The following ADAM2 variants were observed in gnomAD, a reference collection of about 807,000 sequenced individuals.
The protein encoded by ADAM2 is disintegrin and metalloproteinase domain-containing protein 2.
In ADAM2, 101 loss-of-function variants were observed where a neutral mutation model predicts 99.3. The observed-to-expected ratio is 1.02, with a 90% CI of 0.87 to 1.20. The LOEUF (loss-of-function observed/expected upper bound fraction) is 1.20. Among genes scored for constraint, ADAM2 ranks in the 50% most tolerant of loss-of-function variants. The pLI is 0.00. For synonymous variants in ADAM2, 323 were observed against 287.6 expected (o/e 1.12, Z -1.25); for missense variants, 948 against 878.7 (o/e 1.08, Z -1.00).
At chr8:39,754,355 G>T (rs1346566283) in intron 16 of ADAM2, among the ~76,000 whole-genome samples, 1 of 152,040 alleles carries the variant, frequency 6.6e-6, no homozygotes, top group African/African-American at 2.4e-5. Flanking sequence ...AACTGCTCTG[G>T]ATGGACAACC....
intron 13 of ADAM2, 47 bp downstream of exon 13, chr8:39,767,106 A>G (rs1320228139): frequency 1.3e-6 from 2 of 1,597,196 alleles, no homozygotes; most frequent in East Asian, 2.2e-5. Context: ...CATAATAATG[A>G]TAACTACTTA....
intron 6 of ADAM2, among the ~76,000 whole-genome samples, chr8:39,815,709 C>T (rs998457694): frequency 6.6e-6 from 1 of 151,960 alleles, no homozygotes. Flanking sequence ...CTTTTAAATA[C>T]AGCAGAAAGA....
rs1377040645 is a variant in ADAM2 at position 39,788,656 on chromosome 8, A to T, written c.642+13T>A. On this transcript the variant is annotated intron_variant, in intron 8 of 20. Transcript: ENST00000265708. Reference sequence around the variant, plus strand: ...CACAAGAAGTGCAAAAGTACTAAGAAGCAAAGACTTACAGCATTCGTCAAT... The same window carrying T: ...CACAAGAAGTGCAAAAGTACTAAGATGCAAAGACTTACAGCATTCGTCAAT... 1 of 1,556,294 alleles carries T rather than the reference A, an allele frequency of 6.4e-7. No homozygotes were observed. Among genetic ancestry groups the T allele is most frequent in the Admixed American group, 1.8e-5 (1 of 54,658 alleles).
chr8:39,830,755 T>A (rs1805581675), intron 3 of ADAM2, among the ~76,000 whole-genome samples: 1 of 152,166 alleles, frequency 6.6e-6, no homozygotes, highest in African/African-American at 2.4e-5. Context: ...AAATTTCCTC[T>A]GCAAGTTGCT....
At chr8:39,825,628 A>G (rs1805367494) in intron 3 of ADAM2, among the ~76,000 whole-genome samples, 1 of 152,084 alleles carries the variant, frequency 6.6e-6, no homozygotes, top group African/African-American at 2.4e-5. Flanking sequence ...CAAAAGAAAA[A>G]AAAAGACTAA....
intron 2 of ADAM2, among the ~76,000 whole-genome samples, chr8:39,834,832 C>T (rs1332128988): frequency 1.3e-5 from 2 of 150,668 alleles, no homozygotes; most frequent in East Asian, 2.0e-4. Flanking sequence ...TATTCAGGTA[C>T]CTTCCTTCTA....
chr8:39,803,548 T>C (rs1303668705), intron 7 of ADAM2, among the ~76,000 whole-genome samples: 1 of 152,236 alleles, frequency 6.6e-6, no homozygotes, highest in East Asian at 1.9e-4. Context: ...TTGATAAAGC[T>C]GCCTTAAAAA....
At chr8:39,751,542 T>A (rs1199409822) in intron 16 of ADAM2, among the ~76,000 whole-genome samples, 5 of 152,130 alleles carry the variant, frequency 3.3e-5, no homozygotes, top group Admixed American at 6.5e-5. Context: ...TGTGGCAGAG[T>A]GCTTAACTTC....
chr8:39,809,111 G>A (rs529138054), intron 7 of ADAM2, among the ~76,000 whole-genome samples: 258 of 152,092 alleles, frequency 1.7e-3, no homozygotes, highest in African/African-American at 5.9e-3. Flanking sequence ...AAAATGTCAA[G>A]CATTATTTTT....
chr8:39,794,873 T>C (rs796201183), intron 7 of ADAM2, among the ~76,000 whole-genome samples: 1 of 152,122 alleles, frequency 6.6e-6, no homozygotes, highest in East Asian at 1.9e-4. Context: ...TGAGGGGTTT[T>C]GTCTGCGGCT....
chr8:39,752,691 G>A (rs1801992808), intron 16 of ADAM2, among the ~76,000 whole-genome samples: 1 of 152,166 alleles, frequency 6.6e-6, no homozygotes, highest in Admixed American at 6.5e-5. Flanking sequence ...ACAGTGTCAT[G>A]GGAGAGACCT....
At chr8:39,771,359 A>G (rs1802773654) in intron 11 of ADAM2, among the ~76,000 whole-genome samples, 1 of 152,196 alleles carries the variant, frequency 6.6e-6, no homozygotes, top group African/African-American at 2.4e-5. Context: ...TTTACCAACA[A>G]CTGGAATGTT....
In ADAM2 at chr8:39,781,190, T is replaced by C. The variant is rs146729705; in HGVS notation, c.892-4029A>G. 5.2e-3 allele frequency among the ~76,000 whole-genome samples: 798 copies of C among 152,310 alleles called. 4 individuals are homozygous for C. The highest frequency in any genetic ancestry group is 0.018 in the African/African-American group (754 of 41,564). ...GTTTATGTGTAGTTATGTACCCATA[T>C]GTACACATTCATGTAGGTATAATTT... On this transcript the variant is annotated intron_variant, in intron 10 of 20. Transcript: ENST00000265708.
At chr8:39,780,514 G>T (rs916234894) in intron 10 of ADAM2, among the ~76,000 whole-genome samples, 4 of 152,110 alleles carry the variant, frequency 2.6e-5, no homozygotes, top group African/African-American at 7.2e-5. Flanking sequence ...ACAAAAATCT[G>T]CACATTAACC....
At chr8:39,775,484 G>A (rs959157763) in intron 11 of ADAM2, among the ~76,000 whole-genome samples, 2 of 152,032 alleles carry the variant, frequency 1.3e-5, no homozygotes, top group Non-Finnish European at 2.9e-5. Context: ...ATACAAGGTG[G>A]AAAACCCGAT....
intron 16 of ADAM2, among the ~76,000 whole-genome samples, chr8:39,754,244 A>C (rs1374624435): frequency 6.6e-6 from 1 of 152,200 alleles, no homozygotes. Context: ...CCAGAGTTCC[A>C]ATCAACCCTT....
Position 39,777,084 on chromosome 8 carries a change from A to G in ADAM2, c.969T>C (p.Tyr323=), listed in dbSNP as rs780450321. The G allele has an allele frequency of 1.0e-5, 16 of 1,601,484 alleles. No homozygotes were observed. Among genetic ancestry groups the G allele is most frequent in the Admixed American group, 3.3e-5 (2 of 59,802 alleles). Residue 323 remains tyrosine (Y), a synonymous_variant, in exon 11 of 21, where the codon TAT becomes TAC. Coordinates refer to ENST00000265708, the MANE Select transcript of ADAM2 (RefSeq NM_001464.5). ...QLLSLSMGIT[Y]DDINKCQCSG... The stretch of plus-strand genomic sequence containing the variant: ...AGCACTGGCATTTGTTAATGTCATC[A>G]TAAGTGATCCCCATACTAAGGCTCA...
Position 39,755,881 on chromosome 8 carries a change from T to C in ADAM2, c.1644A>G (p.Lys548=). The C allele has an allele frequency of 1.3e-6, 2 of 1,570,932 alleles. No individual in the cohort carries two copies. The highest frequency in any genetic ancestry group is 8.7e-7 in the Non-Finnish European group (1 of 1,144,798). ...DNLQCGKLIC[K]YVGKFLLQIP... ...TTTGTAATAAAAATTTACCTACATA[T>C]TTACATATTAATTTTCCGCACTGCA... The change falls in exon 16 of 21, where the codon AAA becomes AAG. Residue 548 remains lysine, a synonymous_variant. Transcript: ENST00000265708.
rs1804598989 is a variant in ADAM2, at chr8:39,809,430, C to T, written c.550G>A (p.Val184Ile). 7.2e-7 allele frequency: 1 copy of T among 1,393,450 alleles called. No homozygotes were observed. Among genetic ancestry groups the T allele is most frequent in the Non-Finnish European group, 1.0e-6 (1 of 994,660 alleles). The allele number at this position is 1,393,450 out of a possible 1,614,324, so 86.3% of individuals were successfully genotyped here. ...QDFAKYIEMH[V>I]IVEKQLYNHM... ...CTTACCAATTGTTTTTCAACTATAA[C>T]ATGCATTTCTATATACTTTGCAAAA... The change falls in exon 7 of 21, where the codon GTT (valine) becomes ATT (isoleucine). Residue 184 changes from valine to isoleucine, a missense_variant. By Grantham distance (29) the Val-to-Ile change is conservative. Transcript: ENST00000265708.
Sources: gnomAD v4.1 joint callset for allele counts (sites outside exome capture counted in the v4.1 genomes callset) on GRCh38, gnomAD v4.1.1 for gene constraint, MANE v1.5 for transcripts, NCBI Gene and HGNC (gene_info 2026-07-23, HGNC 2026-07-21) for gene names.